Variants in DNHD1 observed in about 807,000 individuals in gnomAD.
The protein encoded by DNHD1 is dynein heavy chain domain 1, also known as dynein heavy chain domain-containing protein 1.
In DNHD1, 383 loss-of-function variants were observed where a neutral mutation model predicts 458.1. The observed-to-expected ratio is 0.84, with a 90% confidence interval of 0.77 to 0.91. The LOEUF (loss-of-function observed/expected upper bound fraction) is 0.91. Among genes scored for constraint, DNHD1 ranks in the 40% least tolerant of loss-of-function variants. The pLI is 0.00. For missense variants in DNHD1, 5,336 were observed against 5,866.1 expected, an observed-to-expected ratio of 0.91 and a Z score of 2.95; for synonymous variants, 2,203 against 2,376.9, an observed-to-expected ratio of 0.93 and a Z score of 2.13.
In DNHD1 at chr11:6,545,530, G is replaced by T; in HGVS notation, c.4591G>T (p.Gly1531Cys). The T allele has an allele frequency of 6.4e-7, 1 of 1,551,822 alleles. No individual in the cohort carries two copies. ...AEMEEALLEW[G>C]TLAMVSMHMR... ...GATGGAGGAGGCTCTGCTTGAGTGG[G>T]GTACCCTGGCCATGGTCTCCATGCA... The change falls in exon 21 of 43, where the codon GGT becomes TGT. Residue 1531 changes from glycine to cysteine, a missense_variant. Around this residue, in one of 4 missense-constraint regions of DNHD1, gnomAD observed 3,932 missense variants for 4,365.6 expected, o/e 0.90. Transcript: ENST00000254579. The surrounding 1 kb of genome is among the most constrained non-coding windows in gnomAD (Gnocchi z 4.9).
In DNHD1 at chr11:6,498,509, AG is replaced by A. The variant is rs777555927; in HGVS notation, c.295del (p.Val99LeufsTer29). On this transcript the variant is annotated frameshift_variant, in exon 3 of 43. Transcript: ENST00000254579. LOFTEE classifies it high-confidence loss of function. Reference sequence around the variant, plus strand: ...TACTGCCTCCATATCGTGAGTTGCTAGTTGGCCACCTTGATTTGCTGCCCTT... The same window carrying A: ...TACTGCCTCCATATCGTGAGTTGCTATTGGCCACCTTGATTTGCTGCCCTT... ...GLLPPYRELL[V>X]GHLDLLPFLE... 3.1e-6 allele frequency: 5 copies of A among 1,614,062 alleles called. No homozygotes were observed. The highest frequency in any genetic ancestry group is 4.2e-6 in the Non-Finnish European group (5 of 1,180,036).
Position 6,557,276 on chromosome 11 carries a change from A to G in DNHD1, c.7981A>G (p.Ser2661Gly). 2 of 1,551,586 alleles carry G rather than the reference A, an allele frequency of 1.3e-6. No homozygotes were observed. The highest frequency in any genetic ancestry group is 1.2e-5 in the South Asian group (1 of 84,066). The change falls in exon 25 of 43, where the codon AGC becomes GGC. Residue 2661 changes from serine to glycine, a missense_variant. Coordinates refer to ENST00000254579, the MANE Select transcript of DNHD1 (RefSeq NM_144666.3). ...AQRTFCDRLD[S>G]PRERSYCAKL... The stretch of plus-strand genomic sequence containing the variant: ...GAGAACCTTTTGCGACCGGCTGGAC[A>G]GCCCCAGGGAACGCTCCTACTGTGC...
Position 6,563,384 on chromosome 11 carries a change from G to T in DNHD1, c.9672G>T (p.Met3224Ile). ...AGAGGGTATCTCTCCTCATTTAGAT[G>T]AGCAAGGCATTTCTGGAGCCTCTGA... ...QAQREAFLEQ[M>I]SKAFLEPLSQ... is the part of the protein sequence containing the mutation. Residue 3224 changes from methionine to isoleucine, a missense_variant and splice_region_variant, in exon 30 of 43, where the codon ATG becomes ATT. Physicochemically the swap from Met to Ile is conservative, Grantham distance 10. This residue lies in a region of DNHD1 where 3,932 missense variants were observed against 4,365.6 expected (regional missense o/e 0.90). Transcript: ENST00000254579. 6.4e-7 allele frequency: 1 copy of T among 1,551,670 alleles called. No individual in the cohort carries two copies. Among genetic ancestry groups the T allele is most frequent in the South Asian group, 1.2e-5 (1 of 84,044 alleles).
Position 6,570,766 on chromosome 11 carries a change from GCGGAGTTCACC to G in DNHD1, c.13257_13267del (p.Ser4420ValfsTer4). 16 of 1,612,950 alleles carry G rather than the reference GCGGAGTTCACC, an allele frequency of 9.9e-6. No individual in the cohort carries two copies. The highest frequency in any genetic ancestry group is 1.4e-5 in the Non-Finnish European group (16 of 1,179,460). On this transcript the variant is annotated frameshift_variant, in exon 42 of 43. Transcript: ENST00000254579. LOFTEE classifies it high-confidence loss of function. ...GTCGCGCTCTCTTGAGTGCGCTGCA[GCGGAGTTCACC>G]CGTGTGGGTTCCTGAGTCTCGAAGA...
chr11:6,514,799 C>T (rs964029288), intron 7 of DNHD1, among the ~76,000 whole-genome samples: 1 of 152,036 alleles, frequency 6.6e-6, no homozygotes, highest in Non-Finnish European at 1.5e-5. Flanking sequence ...AGTTTGTTTT[C>T]TGTTGCTATA....
rs1377268794 is a variant in DNHD1, at chr11:6,556,773, C to T, written c.7478C>T (p.Thr2493Met). The T allele has an allele frequency of 7.0e-5, 109 of 1,551,522 alleles. No individual in the cohort carries two copies. Among genetic ancestry groups the T allele is most frequent in the East Asian group, 9.8e-5 (4 of 40,924 alleles). Residue 2493 changes from threonine to methionine, a missense_variant, in exon 25 of 43, where the codon ACG (threonine) becomes ATG (methionine). Thr to Met is a moderately conservative substitution (Grantham distance 81). Around this residue, in one of 4 missense-constraint regions of DNHD1, gnomAD observed 3,932 missense variants for 4,365.6 expected, o/e 0.90. Coordinates refer to ENST00000254579, the MANE Select transcript of DNHD1 (RefSeq NM_144666.3). ...VYAHSTLELQ[T>M]LQPTVNFLAT... ...GCCCACAGCACCTTGGAACTGCAGA[C>T]GCTGCAGCCTACAGTCAACTTCCTT...
intron 7 of DNHD1, among the ~76,000 whole-genome samples, chr11:6,514,729 C>T: frequency 6.6e-6 from 1 of 152,022 alleles, no homozygotes; most frequent in Admixed American, 6.6e-5. Context: ...AACATGTATA[C>T]ATTATTTTCT....
rs781256028 is a variant in DNHD1 at position 6,570,767 on chromosome 11, C to T, written c.13255C>T (p.Arg4419Trp). Residue 4419 changes from arginine to tryptophan, a missense_variant, in exon 42 of 43, where the codon CGG becomes TGG. Coordinates refer to ENST00000254579, the MANE Select transcript of DNHD1 (RefSeq NM_144666.3). ...TCGCGCTCTCTTGAGTGCGCTGCAG[C>T]GGAGTTCACCCGTGTGGGTTCCTGA... ...QSRALLSALQ[R>W]SSPVWVPESR... The T allele has an allele frequency of 2.5e-6, 4 of 1,612,792 alleles. No homozygotes were observed. The highest frequency in any genetic ancestry group is 1.7e-5 in the Admixed American group (1 of 59,780).
At position 6,568,239 on chromosome 11, in the gene DNHD1, A is replaced by G; in HGVS notation, c.12535A>G (p.Lys4179Glu). ...QLLLELLGRAKVVADLESEQL... is the reference protein window; with the variant it reads ...QLLLELLGRAEVVADLESEQL... ...CTTGCTGGAACTGTTAGGCAGAGCC[A>G]AGGGTGAGTTTATTGCCTAGATTGG... Residue 4179 changes from lysine to glutamate, a missense_variant, in exon 37 of 43, where the codon AAG (lysine) becomes GAG (glutamate). Lys to Glu is a moderately conservative substitution (Grantham distance 56, BLOSUM62 1). Around this residue, in one of 4 missense-constraint regions of DNHD1, gnomAD observed 695 missense variants for 804.2 expected, o/e 0.86. Coordinates refer to ENST00000254579, the MANE Select transcript of DNHD1 (RefSeq NM_144666.3). 1 of 1,548,744 alleles carries G rather than the reference A, an allele frequency of 6.5e-7. No individual in the cohort carries two copies. Among genetic ancestry groups the G allele is most frequent in the Non-Finnish European group, 8.7e-7 (1 of 1,144,570 alleles).
chr11:6,524,172 A>G (rs1852661235), intron 10 of DNHD1, among the ~76,000 whole-genome samples: 1 of 152,044 alleles, frequency 6.6e-6, no homozygotes, highest in African/African-American at 2.4e-5. Context: ...TTGCCTGAGC[A>G]CTCTCATAGG....
In DNHD1 at chr11:6,557,086, A is replaced by G. The variant is rs745731744; in HGVS notation, c.7791A>G (p.Leu2597=). The G allele has an allele frequency of 2.6e-6, 4 of 1,551,704 alleles. No individual in the cohort carries two copies. Among genetic ancestry groups the G allele is most frequent in the Non-Finnish European group, 3.5e-6 (4 of 1,146,976 alleles). Residue 2597 remains leucine (L), a synonymous_variant, in exon 25 of 43, where the codon CTA becomes CTG. Transcript: ENST00000254579. ...YHFSLHSVSH[L]LSSLQLLPNR... ...TCTCCCTACACTCTGTGAGCCACCT[A>G]CTGAGCAGCCTGCAGCTGCTGCCCA...
rs1395487148 is a variant in DNHD1, at chr11:6,567,751, A to G, written c.12242A>G (p.His4081Arg). ...NTYAPTMPFK[H>R]SQATQPMLIL... Reference sequence around the variant, plus strand: ...TATGCTCCCACCATGCCCTTTAAACATAGTCAGGCTACTCAGCCCATGCTG... The same window carrying G: ...TATGCTCCCACCATGCCCTTTAAACGTAGTCAGGCTACTCAGCCCATGCTG... The change falls in exon 36 of 43, where the codon CAT becomes CGT. Residue 4081 changes from histidine to arginine, a missense_variant. Around this residue, in one of 4 missense-constraint regions of DNHD1, gnomAD observed 695 missense variants for 804.2 expected, o/e 0.86. Transcript: ENST00000254579. 3.7e-6 allele frequency: 6 copies of G among 1,613,780 alleles called. No individual in the cohort carries two copies. The highest frequency in any genetic ancestry group is 2.2e-5 in the East Asian group (1 of 44,884).
Position 6,508,979 on chromosome 11 carries a change from C to G in DNHD1, c.1020C>G (p.Ser340Arg). 1 of 1,614,180 alleles carries G rather than the reference C, an allele frequency of 6.2e-7. No homozygotes were observed. The highest frequency in any genetic ancestry group is 1.3e-5 in the African/African-American group (1 of 75,042). The change falls in exon 5 of 43, where the codon AGC becomes AGG. Residue 340 changes from serine to arginine, a missense_variant. Physicochemically the swap from Ser to Arg is moderately radical, Grantham distance 110. Around this residue, in one of 4 missense-constraint regions of DNHD1, gnomAD observed 3,932 missense variants for 4,365.6 expected, o/e 0.90. Transcript: ENST00000254579. ...TGCATGTACATCCTGTGGAAGGTAG[C>G]GAGACGATGACACTGGGTACCTGGC... ...GILHVHPVEG[S>R]ETMTLGTWHH...
rs79774599 is a variant in DNHD1, at chr11:6,533,339, C to A, written c.2505+155C>A. 7.2e-5 allele frequency among the ~76,000 whole-genome samples: 11 copies of A among 152,354 alleles called. No individual in the cohort carries two copies. The East Asian group carries it at 1.7e-3, about 24-fold the overall frequency. Reference sequence around the variant, plus strand: ...AGATCTACCCTTGCTAATTCTTACCCTGTCCATGTGGCCCTCAGGTTCCTC... The same window carrying A: ...AGATCTACCCTTGCTAATTCTTACCATGTCCATGTGGCCCTCAGGTTCCTC... On this transcript the variant is annotated intron_variant, in intron 13 of 42. Coordinates refer to ENST00000254579, the MANE Select transcript of DNHD1 (RefSeq NM_144666.3).
intron 24 of DNHD1, among the ~76,000 whole-genome samples, chr11:6,555,409 T>A (rs1853440974): frequency 6.6e-6 from 1 of 152,218 alleles, no homozygotes; most frequent in Non-Finnish European, 1.5e-5. Flanking sequence ...CAGAATAAGT[T>A]TTCTGTGTGA....
chr11:6,562,833 GCTCAGCC>G, intron 28 of DNHD1, 142 bp from the exon 29 acceptor site: 1 of 877,384 alleles, frequency 1.1e-6, no homozygotes, highest in Non-Finnish European at 1.7e-6. Flanking sequence ...CAGACCCAGA[GCTCAGCC>G]TCTCTCTGTG....
At chr11:6,516,416 G>C (rs2078086490) in intron 7 of DNHD1, among the ~76,000 whole-genome samples, 1 of 150,822 alleles carries the variant, frequency 6.6e-6, no homozygotes, top group Non-Finnish European at 1.5e-5. Flanking sequence ...TCCTACCTCA[G>C]CCTCCCGAGT....
intron 7 of DNHD1, among the ~76,000 whole-genome samples, chr11:6,512,095 G>A (rs1311919641): frequency 6.6e-6 from 1 of 152,062 alleles, no homozygotes. Context: ...GCTTGAGCCA[G>A]GTTTTGGGTT....
chr11:6,530,580 C>T (rs973212997), intron 12 of DNHD1, among the ~76,000 whole-genome samples: 1 of 152,212 alleles, frequency 6.6e-6, no homozygotes, highest in Non-Finnish European at 1.5e-5. Context: ...GGACCCGTGG[C>T]TTCCCAGGCC....
Sources: allele counts gnomAD v4.1 joint callset (sites outside exome capture counted in the v4.1 genomes callset), GRCh38; gene constraint gnomAD v4.1.1; regional missense constraint gnomAD v4.1.1; non-coding constraint Gnocchi (gnomAD v3.1); transcripts MANE v1.5; gene names NCBI Gene and HGNC (gene_info 2026-07-23, HGNC 2026-07-21).